MIPOL1: variants seen among roughly 807,000 people sequenced by gnomAD.
MIPOL1 encodes mirror-image polydactyly 1.
MIPOL1 carries 57 observed loss-of-function variants against 60.9 expected under a neutral mutation model. That is an observed-to-expected ratio of 0.94 (90% confidence interval 0.76 to 1.17). MIPOL1 has a LOEUF of 1.17. Ranked by LOEUF, MIPOL1 falls within the 50% of genes most tolerant of loss-of-function variation. MIPOL1 has a pLI of 0.00. For missense variants in MIPOL1, 551 were observed against 511.6 expected (o/e 1.08, Z -0.74); for synonymous variants, 179 against 168.8 (o/e 1.06, Z -0.47).
chr14:37,360,854 C>A (rs1333864017), intron 9 of MIPOL1, among the ~76,000 whole-genome samples: 1 of 152,164 alleles, frequency 6.6e-6, no homozygotes, highest in East Asian at 1.9e-4. Flanking sequence ...TTCTTGCCTT[C>A]TGCTAGCTTT....
intron 10 of MIPOL1, among the ~76,000 whole-genome samples, chr14:37,415,300 T>A (rs528425820): frequency 2.6e-5 from 4 of 152,162 alleles, no homozygotes; most frequent in Admixed American, 1.3e-4. Context: ...TTAAATCAAA[T>A]TAGATAATAT....
intron 12 of MIPOL1, among the ~76,000 whole-genome samples, chr14:37,536,372 A>G (rs1594919062): frequency 6.6e-6 from 1 of 152,286 alleles, no homozygotes; most frequent in African/African-American, 2.4e-5. Context: ...GTGAATCCCA[A>G]AATACATCTA....
chr14:37,282,747 C>CAAA (rs59301708), intron 6 of MIPOL1, among the ~76,000 whole-genome samples: 2,353 of 67,238 alleles, frequency 0.035, 172 homozygotes, highest in Admixed American at 0.092. Flanking sequence ...GACCCTGTCT[C>CAAA]AAAAAAAAAA....
chr14:37,426,643 A>G (rs1595726666), intron 11 of MIPOL1, among the ~76,000 whole-genome samples: 1 of 142,808 alleles, frequency 7.0e-6, no homozygotes, highest in Admixed American at 7.2e-5. Context: ...TATATATATT[A>G]TATATGTGTA....
intron 9 of MIPOL1, among the ~76,000 whole-genome samples, chr14:37,316,590 G>GA (rs2087925792): frequency 2.8e-5 from 1 of 35,282 alleles, no homozygotes; most frequent in South Asian, 1.9e-3. Flanking sequence ...GGTATCTTGG[G>GA]AGGTTTTTTT....
rs149162074 is a variant in MIPOL1, at chr14:37,375,187, C to G, written c.936+5563C>G. ...TTCATGATTTGGCTGTCTGTCTACC[C>G]TTTTTAATAATTATTTTCATTATTA... On this transcript the variant is annotated intron_variant, in intron 10 of 12. Coordinates refer to ENST00000684589, the MANE Select transcript of MIPOL1 (RefSeq NM_001388067.1). Among the ~76,000 whole-genome samples, 910 of 151,820 alleles carry G rather than the reference C, an allele frequency of 6.0e-3. 13 individuals are homozygous for G. Among genetic ancestry groups the G allele is most frequent in the African/African-American group, 0.02 (843 of 41,454 alleles).
chr14:37,387,731 C>T (rs1413189947), intron 10 of MIPOL1, among the ~76,000 whole-genome samples: 1 of 151,836 alleles, frequency 6.6e-6, no homozygotes, highest in African/African-American at 2.4e-5. Flanking sequence ...TTTATAAGAC[C>T]ATAGTTTTCT....
At chr14:37,305,566 A>G (rs923392646) in intron 7 of MIPOL1, among the ~76,000 whole-genome samples, 3 of 151,576 alleles carry the variant, frequency 2.0e-5, no homozygotes, top group East Asian at 1.9e-4. Flanking sequence ...TCCCTACTCT[A>G]TATAATCTAC....
intron 1 of MIPOL1, among the ~76,000 whole-genome samples, chr14:37,215,405 A>G (rs1348796073): frequency 6.6e-6 from 1 of 151,430 alleles, no homozygotes; most frequent in Non-Finnish European, 1.5e-5. Context: ...TTGTCTCCGC[A>G]CACGGGGAGA....
At position 37,321,205 on chromosome 14, in the gene MIPOL1, T is replaced by C. The variant is rs1339159235; in HGVS notation, c.828+12686T>C. 2.0e-5 allele frequency among the ~76,000 whole-genome samples: 3 copies of C among 152,030 alleles called. No homozygotes were observed. In the East Asian group the frequency reaches 5.8e-4, roughly 29 times the overall value. ...GTCTTCCAAATGATTGATCTTTTCA[T>C]GAAAATGATTACTTTTTTCTTTATA... On this transcript the variant is annotated intron_variant, in intron 9 of 12. Transcript: ENST00000684589.
intron 1 of MIPOL1, among the ~76,000 whole-genome samples, chr14:37,223,233 A>T (rs1319424332): frequency 1.3e-5 from 2 of 151,810 alleles, no homozygotes; most frequent in East Asian, 3.9e-4. Context: ...GGGTTTTACC[A>T]TGTTGGCCGG....
intron 6 of MIPOL1, chr14:37,276,710 G>T (rs2083688298): frequency 6.6e-6 from 1 of 151,112 alleles, no homozygotes; most frequent in South Asian, 2.1e-4. Flanking sequence ...TCAATAAAAT[G>T]TGATAGCCTT....
intron 9 of MIPOL1, among the ~76,000 whole-genome samples, chr14:37,359,867 G>A (rs1368825075): frequency 6.6e-6 from 1 of 152,176 alleles, no homozygotes; most frequent in Non-Finnish European, 1.5e-5. Flanking sequence ...TTAAATAGGA[G>A]TGGTGAGAGA....
chr14:37,406,078 TA>T (rs2093582476), intron 10 of MIPOL1, among the ~76,000 whole-genome samples: 1 of 152,140 alleles, frequency 6.6e-6, no homozygotes, highest in African/African-American at 2.4e-5. Context: ...AATTTTAGAA[TA>T]ATTTTATGGT....
Position 37,228,320 on chromosome 14 carries a change from CTTTTCTTTTTT to C in MIPOL1, c.-198-18778_-198-18768del, listed in dbSNP as rs553400967. ...GGTTCCTCAGGTCAATGATTTCTTT[CTTTTCTTTTTT>C]TTTTTTTTTTTTTTTAGTAGTTCCA... On this transcript the variant is annotated intron_variant, in intron 1 of 12. Coordinates refer to ENST00000684589, the MANE Select transcript of MIPOL1 (RefSeq NM_001388067.1). Among the ~76,000 whole-genome samples the C allele has an allele frequency of 8.5e-5, 11 of 129,540 alleles. 1 individual carries two copies. The South Asian group carries it at 2.7e-3, about 31-fold the overall frequency. The allele number at this position is 129,540 out of a possible 152,430, so 85.0% of individuals were successfully genotyped here. A position where few individuals can be genotyped will look rare whatever the true frequency, so the allele number is the denominator to read the frequency against.
chr14:37,350,281 G>C (rs143420048), intron 9 of MIPOL1, among the ~76,000 whole-genome samples: 2 of 152,042 alleles, frequency 1.3e-5, no homozygotes, highest in Admixed American at 6.6e-5. Context: ...GTCTTGGAAG[G>C]TTCCCTGGTT....
At chr14:37,379,450 A>C (rs756617204) in intron 10 of MIPOL1, among the ~76,000 whole-genome samples, 8 of 152,104 alleles carry the variant, frequency 5.3e-5, no homozygotes, top group Admixed American at 1.3e-4. Context: ...GCAACAACTA[A>C]AAAACAGTTA....
chr14:37,489,706 C>T (rs920939113), intron 11 of MIPOL1, among the ~76,000 whole-genome samples: 10 of 152,184 alleles, frequency 6.6e-5, no homozygotes, highest in South Asian at 2.1e-4. Flanking sequence ...CAGTCAGGCC[C>T]CTCTGCTGCA....
At chr14:37,227,622 T>C (rs2153300751) in intron 1 of MIPOL1, 1 of 152,302 alleles carries the variant, frequency 6.6e-6, no homozygotes, top group East Asian at 1.9e-4. Flanking sequence ...TTAGTCAGCA[T>C]TGAGGGAAGT....
Sources: allele counts gnomAD v4.1 joint callset (sites outside exome capture counted in the v4.1 genomes callset), GRCh38; gene constraint gnomAD v4.1.1; transcripts MANE v1.5; gene names NCBI Gene and HGNC (gene_info 2026-07-23, HGNC 2026-07-21).